Variants in CDH12 observed in about 807,000 individuals in gnomAD.
The protein encoded by CDH12 is cadherin-12.
Under a neutral mutation model 74.1 loss-of-function variants are expected in CDH12, and 41 were observed. The ratio of observed to expected loss-of-function variants is 0.55; its 90% CI spans 0.43 to 0.72. The LOEUF (loss-of-function observed/expected upper bound fraction) is 0.72, where lower values mean the gene tolerates loss of function less well. Ranked by LOEUF, CDH12 falls within the 30% of genes least tolerant of loss-of-function variation. The pLI, the probability that CDH12 is intolerant of heterozygous loss-of-function variation, is 0.00. For missense variants in CDH12, 945 were observed against 977.2 expected (o/e 0.97, Z 0.44); for synonymous variants, 399 against 355.0 (o/e 1.12, Z -1.39).
chr5:22,407,933 T>C (rs943083710), intron 2 of CDH12, among the ~76,000 whole-genome samples: 7 of 152,110 alleles, frequency 4.6e-5, no homozygotes, highest in Non-Finnish European at 8.8e-5. Context: ...ATTACTGTAC[T>C]GTGTAGAAAT....
chr5:22,038,845 C>G (rs958880398), intron 5 of CDH12, among the ~76,000 whole-genome samples: 4 of 152,120 alleles, frequency 2.6e-5, no homozygotes, highest in African/African-American at 7.2e-5. Flanking sequence ...TACCCCACAT[C>G]CCAGAAAACC....
chr5:22,400,859 T>C (rs1027802942), intron 3 of CDH12, among the ~76,000 whole-genome samples: 1 of 152,054 alleles, frequency 6.6e-6, no homozygotes, highest in African/African-American at 2.4e-5. Context: ...TCCTGATGAC[T>C]GGAATTAATT....
At chr5:22,459,273 A>G (rs1414204260) in intron 2 of CDH12, among the ~76,000 whole-genome samples, 1 of 152,116 alleles carries the variant, frequency 6.6e-6, no homozygotes, top group East Asian at 1.9e-4. Flanking sequence ...TTAAATGAGT[A>G]TAAGTACCAC....
chr5:22,258,480 T>G (rs964009956), intron 3 of CDH12, among the ~76,000 whole-genome samples: 1 of 151,990 alleles, frequency 6.6e-6, no homozygotes, highest in African/African-American at 2.4e-5. Flanking sequence ...GATAACAGCA[T>G]ATCTATAGTA....
intron 1 of CDH12, among the ~76,000 whole-genome samples, chr5:22,609,935 A>T (rs1737311631): frequency 6.6e-6 from 1 of 152,252 alleles, no homozygotes; most frequent in Non-Finnish European, 1.5e-5. Context: ...TTAACACATT[A>T]GTGAAAGATA....
At chr5:22,206,550 T>G (rs2150358810) in intron 4 of CDH12, among the ~76,000 whole-genome samples, 1 of 151,980 alleles carries the variant, frequency 6.6e-6, no homozygotes, top group East Asian at 1.9e-4. Context: ...AGGTTTGACT[T>G]GTGAAATCAG....
At chr5:22,838,026 GA>G (rs922149433) in intron 1 of CDH12, among the ~76,000 whole-genome samples, 1 of 152,136 alleles carries the variant, frequency 6.6e-6, no homozygotes, top group East Asian at 1.9e-4. Flanking sequence ...AGGCAGAAGT[GA>G]AAAAATAACC....
chr5:22,713,003 T>C (rs994882864), intron 1 of CDH12, among the ~76,000 whole-genome samples: 1 of 152,106 alleles, frequency 6.6e-6, no homozygotes, highest in East Asian at 1.9e-4. Context: ...TGGCCAGGCA[T>C]GTATACACCA....
At chr5:21,833,142 A>ACTATATG (rs1749216990) in intron 8 of CDH12, among the ~76,000 whole-genome samples, 1 of 20,058 alleles carries the variant, frequency 5.0e-5, no homozygotes, top group African/African-American at 8.6e-4. Flanking sequence ...ATAAATATAT[A>ACTATATG]TTATATAACA....
intron 3 of CDH12, among the ~76,000 whole-genome samples, chr5:22,248,753 C>G: frequency 6.6e-6 from 1 of 152,130 alleles, no homozygotes; most frequent in East Asian, 1.9e-4. Context: ...TGTACATTAA[C>G]TGTGGCTAAA....
intron 4 of CDH12, among the ~76,000 whole-genome samples, chr5:22,136,986 T>C (rs1385490194): frequency 6.6e-6 from 1 of 151,462 alleles, no homozygotes; most frequent in Non-Finnish European, 1.5e-5. Context: ...AAACATGAGC[T>C]GACATCATGA....
At chr5:21,970,868 A>G (rs1410597791) in intron 6 of CDH12, among the ~76,000 whole-genome samples, 16 of 147,314 alleles carry the variant, frequency 1.1e-4, no homozygotes, top group African/African-American at 3.3e-4. Flanking sequence ...AAAAAAAAAA[A>G]AAAAAAGAAA....
intron 1 of CDH12, among the ~76,000 whole-genome samples, chr5:22,700,736 T>C (rs1315503265): frequency 2.0e-5 from 3 of 152,206 alleles, no homozygotes; most frequent in African/African-American, 7.2e-5. Flanking sequence ...GAAAATCACC[T>C]AGATCACTGA....
chr5:22,137,966 C>T (rs1391232129), intron 4 of CDH12, among the ~76,000 whole-genome samples: 1 of 152,046 alleles, frequency 6.6e-6, no homozygotes, highest in Admixed American at 6.6e-5. Context: ...ATGAGAAAAA[C>T]ATGGTCTTGG....
chr5:22,512,104 G>A (rs762470216), intron 1 of CDH12, among the ~76,000 whole-genome samples: 27 of 152,080 alleles, frequency 1.8e-4, no homozygotes, highest in South Asian at 1.0e-3. Context: ...ACAAAATCAC[G>A]TCAGTATTAC....
intron 2 of CDH12, among the ~76,000 whole-genome samples, chr5:22,405,882 T>C (rs1306721197): frequency 6.6e-6 from 1 of 152,182 alleles, no homozygotes; most frequent in Non-Finnish European, 1.5e-5. Flanking sequence ...GCATATAGCC[T>C]ACACACATCT....
At chr5:22,059,316 TC>T (rs1741002628) in intron 5 of CDH12, among the ~76,000 whole-genome samples, 2 of 150,544 alleles carry the variant, frequency 1.3e-5, no homozygotes, top group African/African-American at 5.0e-5. Context: ...CTATCATCTA[TC>T]CATCTATCGT....
intron 1 of CDH12, among the ~76,000 whole-genome samples, chr5:22,704,310 G>A (rs887662485): frequency 6.6e-6 from 1 of 152,076 alleles, no homozygotes; most frequent in Non-Finnish European, 1.5e-5. Context: ...GCTAACAGGT[G>A]CCACCACCAT....
intron 2 of CDH12, among the ~76,000 whole-genome samples, chr5:22,413,657 T>A (rs1444117): frequency 0.33 from 50,507 of 151,670 alleles, 9,971 homozygotes; most frequent in Admixed American, 0.46. Flanking sequence ...GCATATGGGC[T>A]TAAGGCAAAA....
Sources: gnomAD v4.1 joint callset for allele counts (sites outside exome capture counted in the v4.1 genomes callset) on GRCh38, gnomAD v4.1.1 for gene constraint, MANE v1.5 for transcripts, NCBI Gene and HGNC (gene_info 2026-07-23, HGNC 2026-07-21) for gene names.